Variants in CCDC40 observed in about 807,000 individuals in gnomAD.
CCDC40 encodes the protein coiled-coil domain-containing protein 40.
CCDC40 carries 104 observed loss-of-function variants against 124.5 expected under a neutral mutation model. The ratio of observed to expected loss-of-function variants is 0.84; its 90% confidence interval spans 0.71 to 0.98. The LOEUF (loss-of-function observed/expected upper bound fraction) is 0.98, where lower values mean the gene tolerates loss of function less well. Among genes scored for constraint, CCDC40 ranks in the 50% least tolerant of loss-of-function variants. CCDC40 has a pLI of 0.00. For synonymous variants in CCDC40, 580 were observed against 602.9 expected (o/e 0.96, Z 0.56); for missense variants, 1,463 against 1,503.9 (o/e 0.97, Z 0.45).
intron 10 of CCDC40, among the ~76,000 whole-genome samples, chr17:80,068,574 A>C (rs1339574420): frequency 6.6e-6 from 1 of 152,124 alleles, no homozygotes; most frequent in South Asian, 2.1e-4. Flanking sequence ...AGCATCTTAG[A>C]AAATGGTGAC....
chr17:80,076,958 A>T (rs968698014), intron 10 of CCDC40, among the ~76,000 whole-genome samples: 4 of 151,992 alleles, frequency 2.6e-5, no homozygotes, highest in African/African-American at 9.7e-5. Context: ...CTGGTCTCGA[A>T]TTTCTGACCT....
intron 10 of CCDC40, among the ~76,000 whole-genome samples, chr17:80,071,152 G>A (rs1289969139): frequency 2.0e-5 from 3 of 152,194 alleles, no homozygotes; most frequent in African/African-American, 4.8e-5. Context: ...AGCCTGGACC[G>A]CACTTAACTT....
chr17:80,073,431 G>A (rs1255120003), intron 10 of CCDC40, among the ~76,000 whole-genome samples: 3 of 152,084 alleles, frequency 2.0e-5, no homozygotes, highest in East Asian at 1.9e-4. Flanking sequence ...CATTGTCATC[G>A]TCCGTTATGG....
At chr17:80,047,426 C>T in intron 4 of CCDC40, 24 bp downstream of exon 4, 1 of 1,605,270 alleles carries the variant, frequency 6.2e-7, no homozygotes, top group Non-Finnish European at 8.5e-7. Flanking sequence ...GCTGAGGTCA[C>T]CCTGCCCTGG....
At chr17:80,097,484 C>CG in intron 19 of CCDC40, 81 bp downstream of exon 19, 1 of 1,462,576 alleles carries the variant, frequency 6.8e-7, no homozygotes, top group Non-Finnish European at 9.5e-7. Flanking sequence ...CCCCTCTGTG[C>CG]GAGTCACGGC....
rs2038578942 is a variant in CCDC40 at position 80,086,001 on chromosome 17, A to G, written c.2236-2A>G. On this transcript the variant is annotated splice_acceptor_variant, in intron 13 of 19. Transcript: ENST00000397545. LOFTEE classifies it high-confidence loss of function. This position sits in a 1 kb window ranked among gnomAD's most constrained non-coding sequence, Gnocchi z 5.5. ...TTGCTTTTTGATGAATATCCGGTCT[A>G]GGGGGAAGAAGTGGGGCCCCTGGAG... 3 of 1,613,574 alleles carry G rather than the reference A, an allele frequency of 1.9e-6. No individual in the cohort carries two copies. Among genetic ancestry groups the G allele is most frequent in the South Asian group, 2.2e-5 (2 of 91,076 alleles).
intron 10 of CCDC40, among the ~76,000 whole-genome samples, chr17:80,078,991 C>T (rs2038381128): frequency 6.8e-6 from 1 of 146,170 alleles, no homozygotes; most frequent in South Asian, 2.2e-4. Context: ...TGGAGTGCAG[C>T]GGAACAATCT....
intron 17 of CCDC40, chr17:80,090,235 GC>G: frequency 1.7e-5 from 15 of 873,812 alleles, no homozygotes; most frequent in South Asian, 1.0e-4. Flanking sequence ...ACGCGCGCAG[GC>G]ACGTGCACGA....
chr17:80,037,688 A>AATATATATATATAT, intron 1 of CCDC40, among the ~76,000 whole-genome samples: 1 of 45,704 alleles, frequency 2.2e-5, no homozygotes. Flanking sequence ...TTTTTTAAAA[A>AATATATATATATAT]AGATATACAT....
chr17:80,084,614 C>T, intron 12 of CCDC40, 129 bp from the exon 13 acceptor site: 1 of 1,099,998 alleles, frequency 9.1e-7, no homozygotes, highest in Non-Finnish European at 1.3e-6. Context: ...CAGCCTCCTG[C>T]ACTCGTGACT....
intron 10 of CCDC40, among the ~76,000 whole-genome samples, chr17:80,077,311 A>C (rs1179975381): frequency 6.6e-6 from 1 of 152,068 alleles, no homozygotes; most frequent in Non-Finnish European, 1.5e-5. Context: ...ACTTGAGCTC[A>C]AGAGTTTGAG....
intron 5 of CCDC40, 50 bp from the exon 6 acceptor site, chr17:80,049,856 G>C (rs778868009): frequency 6.5e-7 from 1 of 1,541,962 alleles, no homozygotes; most frequent in South Asian, 1.1e-5. Flanking sequence ...CCTGGGTCGG[G>C]CAGGAGGGTA....
chr17:80,089,296 A>T (rs1019692145), intron 16 of CCDC40, among the ~76,000 whole-genome samples: 1 of 152,206 alleles, frequency 6.6e-6, no homozygotes, highest in African/African-American at 2.4e-5. Context: ...CGTGCTCCGG[A>T]AGGGATGAAT....
In CCDC40 at chr17:80,081,753, G is replaced by A. The variant is rs1490217647; in HGVS notation, c.1770G>A (p.Leu590=). 1 of 1,613,944 alleles carries A rather than the reference G, an allele frequency of 6.2e-7. No individual in the cohort carries two copies. The highest frequency in any genetic ancestry group is 8.5e-7 in the Non-Finnish European group (1 of 1,180,040). The change falls in exon 11 of 20, where the codon CTG becomes CTA. Residue 590 remains leucine (L), a synonymous_variant. Coordinates refer to ENST00000397545, the MANE Select transcript of CCDC40 (RefSeq NM_017950.4). ...AGTTCAATACCTACAGGCTCACCCT[G>A]CAGGACACAGAGGATGCCCTCAGCC... is the stretch of plus-strand genomic sequence containing the variant. ...QSQFNTYRLT[L]QDTEDALSQD...
intron 3 of CCDC40, among the ~76,000 whole-genome samples, chr17:80,043,001 C>T (rs749639331): frequency 6.6e-6 from 1 of 152,010 alleles, no homozygotes; most frequent in Non-Finnish European, 1.5e-5. Flanking sequence ...CAAGCAACCC[C>T]GCATTCTGAG....
chr17:80,041,473 A>G (rs9900359), intron 3 of CCDC40, among the ~76,000 whole-genome samples: 8,778 of 150,354 alleles, frequency 0.058, 811 homozygotes, highest in African/African-American at 0.2. Flanking sequence ...GCACCCCTGT[A>G]CTCCTGCATG....
Position 80,092,844 on chromosome 17 carries a change from G to A in CCDC40, c.2833-2419G>A, listed in dbSNP as rs955839560. Among the ~76,000 whole-genome samples, 8 of 152,178 alleles carry A rather than the reference G, an allele frequency of 5.3e-5. No individual in the cohort carries two copies. In the East Asian group the frequency reaches 7.7e-4, roughly 15 times the overall value. ...GAGCCTCTGCCTAGCTGAAGGTCAC[G>A]AAGAGCTTCTCTTCTGTTTTCTTCT... is the stretch of plus-strand genomic sequence containing the variant. On this transcript the variant is annotated intron_variant, in intron 17 of 19. Transcript: ENST00000397545.
chr17:80,071,744 G>A (rs1598519978), intron 10 of CCDC40, among the ~76,000 whole-genome samples: 1 of 151,918 alleles, frequency 6.6e-6, no homozygotes, highest in African/African-American at 2.4e-5. Context: ...AGGCTCATGG[G>A]AGTGTCCTGA....
rs868696844 is a variant in CCDC40, at chr17:80,036,813, C to T, written c.29+122C>T. On this transcript the variant is annotated intron_variant, in intron 1 of 19. Coordinates refer to ENST00000397545, the MANE Select transcript of CCDC40 (RefSeq NM_017950.4). ...CTTCGCCTCCACTCCCCCTTCCTCT[C>T]GCCTGTGTCCCTTCTCTCGCCATTT... 9.9e-5 allele frequency: 90 copies of T among 905,174 alleles called. No homozygotes were observed. In the Middle Eastern group the frequency reaches 2.5e-3, roughly 25 times the overall value. 56.1% of individuals were successfully genotyped at this position (905,174 alleles called of 1,614,324 possible). A position where few individuals can be genotyped will look rare whatever the true frequency, so the allele number is the denominator to read the frequency against.
Sources: gnomAD v4.1 joint callset for allele counts (sites outside exome capture counted in the v4.1 genomes callset) on GRCh38, gnomAD v4.1.1 for gene constraint, Gnocchi (gnomAD v3.1) non-coding constraint, MANE v1.5 for transcripts, NCBI Gene and HGNC (gene_info 2026-07-23, HGNC 2026-07-21) for gene names.